CAMTA1: variants seen among roughly 807,000 people sequenced by gnomAD.
CAMTA1 encodes the protein calmodulin-binding transcription activator 1.
A neutral mutation model predicts 170.9 loss-of-function variants in CAMTA1; 27 were observed. The observed-to-expected ratio is 0.16, with a 90% CI of 0.12 to 0.22. The LOEUF (loss-of-function observed/expected upper bound fraction) is 0.22, where lower values mean the gene tolerates loss of function less well. Ranked by LOEUF, CAMTA1 falls within the 10% of genes least tolerant of loss-of-function variation. The probability of loss-of-function intolerance (pLI) is 1.00; values close to 1 mark genes in which losing one functional copy is unlikely to be tolerated. For synonymous variants in CAMTA1, 833 were observed against 891.5 expected (o/e 0.93, Z 1.17); for missense variants, 1,619 against 2,217.2 (o/e 0.73, Z 5.42).
intron 5 of CAMTA1, among the ~76,000 whole-genome samples, chr1:7,381,683 C>G (rs1246143098): frequency 6.7e-5 from 10 of 149,890 alleles, no homozygotes; most frequent in African/African-American, 2.2e-4. Context: ...AATGGGATGG[C>G]TGGGTCAAAT....
intron 1 of CAMTA1, among the ~76,000 whole-genome samples, chr1:6,798,523 T>C (rs1643107812): frequency 6.6e-6 from 1 of 151,998 alleles, no homozygotes; most frequent in Non-Finnish European, 1.5e-5. Flanking sequence ...GTTCACGCCA[T>C]TCTCCTGCCT....
chr1:7,261,430 T>G (rs928055200), intron 5 of CAMTA1, among the ~76,000 whole-genome samples: 1 of 152,186 alleles, frequency 6.6e-6, no homozygotes, highest in African/African-American at 2.4e-5. Flanking sequence ...TCCTAACAGA[T>G]TGGGTTAAGT....
Position 7,000,359 on chromosome 1 carries a change from C to T in CAMTA1, c.235-90945C>T, listed in dbSNP as rs915308402. 2.0e-5 allele frequency among the ~76,000 whole-genome samples: 3 copies of T among 152,230 alleles called. No individual in the cohort carries two copies. The East Asian group carries it at 5.8e-4, about 29-fold the overall frequency. On this transcript the variant is annotated intron_variant, in intron 3 of 22. Coordinates refer to ENST00000303635, the MANE Select transcript of CAMTA1 (RefSeq NM_015215.4). ...GCATCTCTAAAATATGGGGAACCAG[C>T]CCCTGCGTCAGCCACTGTCTTGCTA...
In CAMTA1 at chr1:7,234,522, G is replaced by C. The variant is rs972775911; in HGVS notation, c.303-14969G>C. ...CAGGGCTGTGGCACCCTCAGCACCC[G>C]GCGTGAATGCTCAGCCGTGATAGCT... On this transcript the variant is annotated intron_variant, in intron 4 of 22. Coordinates refer to ENST00000303635, the MANE Select transcript of CAMTA1 (RefSeq NM_015215.4). The surrounding 1 kb of genome is among the most constrained non-coding windows in gnomAD (Gnocchi z 5.0). 1.3e-5 allele frequency among the ~76,000 whole-genome samples: 2 copies of C among 152,210 alleles called. No individual in the cohort carries two copies. Among genetic ancestry groups the C allele is most frequent in the African/African-American group, 2.4e-5 (1 of 41,462 alleles).
At chr1:6,943,342 C>T (rs1686998463) in intron 3 of CAMTA1, among the ~76,000 whole-genome samples, 1 of 151,996 alleles carries the variant, frequency 6.6e-6, no homozygotes, top group Admixed American at 6.6e-5. Flanking sequence ...GGGGCTGCTA[C>T]AGTCAGGAGC....
intron 15 of CAMTA1, 85 bp downstream of exon 15, chr1:7,737,655 A>T (rs1370523025): frequency 7.9e-7 from 1 of 1,259,036 alleles, no homozygotes; most frequent in Admixed American, 2.6e-5. Context: ...AGTCCATAGG[A>T]TAGTCACATA....
chr1:6,949,418 T>A (rs1688092723), intron 3 of CAMTA1, among the ~76,000 whole-genome samples: 1 of 152,256 alleles, frequency 6.6e-6, no homozygotes, highest in Admixed American at 6.5e-5. Flanking sequence ...TGAATCATGC[T>A]GTGGGTGAGA....
intron 5 of CAMTA1, among the ~76,000 whole-genome samples, chr1:7,436,031 G>A (rs1234986455): frequency 1.3e-5 from 2 of 152,210 alleles, no homozygotes; most frequent in Non-Finnish European, 2.9e-5. Flanking sequence ...GGAGCGGGAG[G>A]CTCTGGGCTT....
At chr1:7,261,486 G>C (rs536710148) in intron 5 of CAMTA1, among the ~76,000 whole-genome samples, 1 of 152,192 alleles carries the variant, frequency 6.6e-6, no homozygotes, top group African/African-American at 2.4e-5. Flanking sequence ...ATTTCCAACG[G>C]AAGTGAGGTC....
chr1:7,021,544 G>A (rs1034900828), intron 3 of CAMTA1, among the ~76,000 whole-genome samples: 3 of 151,988 alleles, frequency 2.0e-5, no homozygotes, highest in African/African-American at 4.8e-5. Flanking sequence ...TTTCTTATTC[G>A]ATTTTTAAAT....
rs114091210 is a variant in CAMTA1, at chr1:7,189,084, C to T, written c.303-60407C>T. ...GTAATATACAAAGCTGGTGTCTGTT[C>T]TCTATCCTGAATCCCATCCTCTCTT... On this transcript the variant is annotated intron_variant, in intron 4 of 22. Coordinates refer to ENST00000303635, the MANE Select transcript of CAMTA1 (RefSeq NM_015215.4). Among the ~76,000 whole-genome samples, 1,300 of 152,270 alleles carry T rather than the reference C, an allele frequency of 8.5e-3. 20 individuals carry two copies. The highest frequency in any genetic ancestry group is 0.029 in the African/African-American group (1,205 of 41,560).
intron 5 of CAMTA1, among the ~76,000 whole-genome samples, chr1:7,394,811 TTGTGTG>T (rs61154098): frequency 0.013 from 1,980 of 147,518 alleles, 35 homozygotes; most frequent in African/African-American, 0.035. Flanking sequence ...TTTCTTGTAG[TTGTGTG>T]TGTGTGTGTG....
chr1:7,391,272 C>G (rs2088679546), intron 5 of CAMTA1, among the ~76,000 whole-genome samples: 1 of 152,074 alleles, frequency 6.6e-6, no homozygotes, highest in Non-Finnish European at 1.5e-5. Flanking sequence ...GCTGGGATTA[C>G]AGGCATGAGC....
At chr1:7,354,770 G>A (rs532321613) in intron 5 of CAMTA1, among the ~76,000 whole-genome samples, 1 of 152,350 alleles carries the variant, frequency 6.6e-6, no homozygotes, top group Non-Finnish European at 1.5e-5. Context: ...TGACAGGTGT[G>A]TGATGGTGTC....
chr1:6,963,271 G>GCCCCCCCCC (rs34560730), intron 3 of CAMTA1, among the ~76,000 whole-genome samples: 1 of 20,024 alleles, frequency 5.0e-5, no homozygotes, highest in Non-Finnish European at 1.1e-4. Context: ...CACCCACCTG[G>GCCCCCCCCC]CCCCCCCCCC....
chr1:7,003,819 G>A (rs1698591742), intron 3 of CAMTA1, among the ~76,000 whole-genome samples: 1 of 152,232 alleles, frequency 6.6e-6, no homozygotes. Context: ...CAAGTTTACG[G>A]AAGTATCTGG....
At chr1:7,436,088 C>T (rs1172422405) in intron 5 of CAMTA1, among the ~76,000 whole-genome samples, 1 of 152,178 alleles carries the variant, frequency 6.6e-6, no homozygotes, top group African/African-American at 2.4e-5. Flanking sequence ...CATGGCAGCT[C>T]GAGCCACAGC....
chr1:7,123,184 A>G (rs868211280), intron 4 of CAMTA1, among the ~76,000 whole-genome samples: 17 of 152,292 alleles, frequency 1.1e-4, no homozygotes, highest in Middle Eastern at 3.4e-3. Context: ...TCTGGAGGCC[A>G]GAAGCCTGTT....
intron 3 of CAMTA1, among the ~76,000 whole-genome samples, chr1:7,076,694 G>A (rs575614230): frequency 6.6e-6 from 1 of 152,238 alleles, no homozygotes; most frequent in South Asian, 2.1e-4. Flanking sequence ...TTAATAATAT[G>A]TGAGTGTTGG....
Sources: gnomAD v4.1 joint callset for allele counts (sites outside exome capture counted in the v4.1 genomes callset) on GRCh38, gnomAD v4.1.1 for gene constraint, Gnocchi (gnomAD v3.1) non-coding constraint, MANE v1.5 for transcripts, NCBI Gene and HGNC (gene_info 2026-07-23, HGNC 2026-07-21) for gene names.